The following TANGO6 variants were observed in gnomAD, a reference collection of about 807,000 sequenced individuals.
TANGO6 encodes the protein transport and golgi organization 6 homolog.
TANGO6 carries 90 observed loss-of-function variants against 114.2 expected under a neutral mutation model. That is an observed-to-expected ratio of 0.79 (90% CI 0.66 to 0.94). The LOEUF (loss-of-function observed/expected upper bound fraction) is 0.94, where lower values mean the gene tolerates loss of function less well. Ranked by LOEUF, TANGO6 falls within the 40% of genes least tolerant of loss-of-function variation. The probability of loss-of-function intolerance (pLI) is 0.00; values close to 1 mark genes in which losing one functional copy is unlikely to be tolerated. For missense variants in TANGO6, 1,274 were observed against 1,315.3 expected (o/e 0.97, Z 0.49); for synonymous variants, 477 against 509.8 (o/e 0.94, Z 0.87).
intron 14 of TANGO6, among the ~76,000 whole-genome samples, chr16:68,931,331 G>A (rs1301258383): frequency 6.6e-6 from 1 of 152,170 alleles, no homozygotes; most frequent in Non-Finnish European, 1.5e-5. Flanking sequence ...TGCCACTTTG[G>A]AAACCAGTCT....
At chr16:68,959,746 G>A (rs1329411657) in intron 14 of TANGO6, among the ~76,000 whole-genome samples, 1 of 152,194 alleles carries the variant, frequency 6.6e-6, no homozygotes, top group Non-Finnish European at 1.5e-5. Context: ...TGAAAGATCA[G>A]CCCTGTCTTG....
rs1247076569 is a variant in TANGO6, at chr16:68,863,067, C to G, written c.852+6C>G. ...TCCAGGGAGGACCACCCCAGGTACT[C>G]AGGCCTAGGGACTCTTGGGGGTGAC... On this transcript the variant is annotated splice_donor_region_variant and intron_variant, in intron 3 of 17. Transcript: ENST00000261778. 6.5e-7 allele frequency: 1 copy of G among 1,527,542 alleles called. No individual in the cohort carries two copies. Among genetic ancestry groups the G allele is most frequent in the Non-Finnish European group, 8.8e-7 (1 of 1,130,194 alleles). The allele number at this position is 1,527,542 out of a possible 1,614,324, so 94.6% of individuals were successfully genotyped here. A position where few individuals can be genotyped will look rare whatever the true frequency, so the allele number is the denominator to read the frequency against.
intron 17 of TANGO6, among the ~76,000 whole-genome samples, chr16:69,051,029 TC>T (rs899393775): frequency 2.6e-5 from 4 of 151,436 alleles, no homozygotes; most frequent in African/African-American, 9.7e-5. Flanking sequence ...TAATTTTTAT[TC>T]CCCCCAAATA....
At chr16:68,898,210 C>T (rs555724723) in intron 7 of TANGO6, among the ~76,000 whole-genome samples, 142 of 152,118 alleles carry the variant, frequency 9.3e-4, no homozygotes, top group African/African-American at 3.3e-3. Context: ...GACTTCTGAA[C>T]GCTGCTGTAC....
rs189012616 is a variant in TANGO6 at position 68,903,490 on chromosome 16, A to G, written c.1667+986A>G. Among the ~76,000 whole-genome samples the G allele has an allele frequency of 3.3e-5, 5 of 149,998 alleles. No individual in the cohort carries two copies. The Admixed American group carries it at 3.4e-4, about 10-fold the overall frequency. On this transcript the variant is annotated intron_variant, in intron 9 of 17. Transcript: ENST00000261778. ...AAAAATTAGCCAGGCATGGTAGTGC[A>G]TGCCTGTAGGCCTAGCTACTTGTGA...
At chr16:68,869,949 G>C (rs553569483) in intron 4 of TANGO6, among the ~76,000 whole-genome samples, 1 of 152,294 alleles carries the variant, frequency 6.6e-6, no homozygotes, top group Non-Finnish European at 1.5e-5. Context: ...GGTGGCTGGG[G>C]GCCACCTCAG....
intron 15 of TANGO6, among the ~76,000 whole-genome samples, chr16:69,017,741 G>A (rs902986099): frequency 2.0e-5 from 3 of 152,242 alleles, no homozygotes; most frequent in Admixed American, 6.5e-5. Flanking sequence ...TTGCCCAGGG[G>A]TCACTCTGCT....
At chr16:68,956,393 A>G (rs1963530191) in intron 14 of TANGO6, among the ~76,000 whole-genome samples, 1 of 152,146 alleles carries the variant, frequency 6.6e-6, no homozygotes, top group African/African-American at 2.4e-5. Context: ...GAAAGCCCAG[A>G]CCAAGTTTGA....
chr16:68,890,227 A>G (rs1169624046), intron 7 of TANGO6, among the ~76,000 whole-genome samples: 1 of 152,244 alleles, frequency 6.6e-6, no homozygotes, highest in African/African-American at 2.4e-5. Flanking sequence ...AGAGAAGCCC[A>G]TAAATTAAGA....
chr16:69,021,377 C>A (rs1420638664), intron 15 of TANGO6, among the ~76,000 whole-genome samples: 1 of 152,194 alleles, frequency 6.6e-6, no homozygotes, highest in African/African-American at 2.4e-5. Flanking sequence ...GTTTAAATGT[C>A]ACCTTCTCAA....
chr16:68,871,405 T>C (rs936436902), intron 4 of TANGO6, among the ~76,000 whole-genome samples: 11 of 152,138 alleles, frequency 7.2e-5, no homozygotes, highest in Admixed American at 5.9e-4. Context: ...TGGTTTTTTT[T>C]CTGCTTTTTG....
chr16:68,950,801 G>C (rs1963464668), intron 14 of TANGO6, among the ~76,000 whole-genome samples: 1 of 152,162 alleles, frequency 6.6e-6, no homozygotes, highest in South Asian at 2.1e-4. Context: ...GGAGGTTGCA[G>C]TGAGCTGATG....
chr16:68,995,266 C>G (rs1241122864), intron 15 of TANGO6, among the ~76,000 whole-genome samples: 1 of 152,128 alleles, frequency 6.6e-6, no homozygotes, highest in East Asian at 1.9e-4. Context: ...GTTATATTAC[C>G]TTACAGAGGA....
In TANGO6 at chr16:68,919,161, C is replaced by G. The variant is rs1407431447; in HGVS notation, c.2069C>G (p.Ser690Ter). Residue 690 changes from serine (S) to a stop codon, truncating the protein, a stop_gained, in exon 12 of 18, where the codon TCA becomes TGA. Coordinates refer to ENST00000261778, the MANE Select transcript of TANGO6 (RefSeq NM_024562.2). LOFTEE classifies it high-confidence loss of function. ...CATCAGGCAGAGAGCACCGTGGAAT[C>G]ACAGACGCTGAGCATGTCCATGGGG... ...LAHQAESTVESQTLSMSMGLV... is the reference protein window; with the variant it reads ...LAHQAESTVE 1 of 1,612,708 alleles carries G rather than the reference C, an allele frequency of 6.2e-7. No individual in the cohort carries two copies. Among genetic ancestry groups the G allele is most frequent in the African/African-American group, 1.3e-5 (1 of 74,994 alleles).
intron 15 of TANGO6, among the ~76,000 whole-genome samples, chr16:68,998,687 C>A (rs1253588745): frequency 1.3e-5 from 2 of 149,316 alleles, no homozygotes; most frequent in African/African-American, 4.9e-5. Context: ...GCCAAGATTG[C>A]GCCACTGCGC....
At chr16:69,073,114 G>T (rs918127604) in intron 17 of TANGO6, among the ~76,000 whole-genome samples, 1 of 151,974 alleles carries the variant, frequency 6.6e-6, no homozygotes, top group Non-Finnish European at 1.5e-5. Context: ...GATGCTTTGG[G>T]CTATAATCCA....
intron 14 of TANGO6, among the ~76,000 whole-genome samples, chr16:68,931,071 C>T (rs1468427641): frequency 2.0e-5 from 3 of 152,094 alleles, no homozygotes; most frequent in African/African-American, 7.2e-5. Context: ...TCTCCACATC[C>T]CCTTTAACTT....
chr16:68,899,963 C>T (rs569812388), intron 7 of TANGO6, among the ~76,000 whole-genome samples: 1 of 152,214 alleles, frequency 6.6e-6, no homozygotes, highest in South Asian at 2.1e-4. Context: ...ATGTGGTGGT[C>T]ACATCTTAAG....
At chr16:68,864,642 A>G (rs1245026504) in intron 3 of TANGO6, among the ~76,000 whole-genome samples, 9 of 152,180 alleles carry the variant, frequency 5.9e-5, no homozygotes, top group Non-Finnish European at 1.2e-4. Flanking sequence ...GTCAGGAGCA[A>G]GGACCAGCTG....
Sources: gnomAD v4.1 joint callset for allele counts (sites outside exome capture counted in the v4.1 genomes callset) on GRCh38, gnomAD v4.1.1 for gene constraint, MANE v1.5 for transcripts, NCBI Gene and HGNC (gene_info 2026-07-23, HGNC 2026-07-21) for gene names.